ANO10: variants seen among roughly 807,000 people sequenced by gnomAD.
ANO10 encodes the protein anoctamin-10.
ANO10 carries 77 observed loss-of-function variants against 74.7 expected under a neutral mutation model. The observed-to-expected ratio is 1.03, with a 90% CI of 0.86 to 1.25. ANO10 has a LOEUF of 1.25. Ranked by LOEUF, ANO10 falls within the 50% of genes most tolerant of loss-of-function variation. The probability of loss-of-function intolerance (pLI) is 0.00; values close to 1 mark genes in which losing one functional copy is unlikely to be tolerated. For synonymous variants in ANO10, 279 were observed against 284.9 expected (o/e 0.98, Z 0.21); for missense variants, 721 against 778.1 (o/e 0.93, Z 0.87).
chr3:43,561,278 T>C lies in ANO10; in HGVS notation c.1418A>G (p.Asp473Gly). The change falls in exon 9 of 13, where the codon GAC (aspartate) becomes GGC (glycine). Residue 473 changes from aspartate (D) to glycine (G), a missense_variant. Asp to Gly is a moderately conservative substitution (Grantham distance 94). Transcript: ENST00000292246. ...VKRKVQALKA[D>G]IDATLYEQVI... ...TTGTTCATATAATGTAGCATCAATGTCTGCCTTTAAAGCCTGCACCTTCCT... is the reference window on the plus strand; with the variant it reads ...TTGTTCATATAATGTAGCATCAATGCCTGCCTTTAAAGCCTGCACCTTCCT... 6.2e-7 allele frequency: 1 copy of C among 1,614,216 alleles called. No individual in the cohort carries two copies. The highest frequency in any genetic ancestry group is 8.5e-7 in the Non-Finnish European group (1 of 1,180,038).
chr3:43,546,415 A>G (rs2079192506), intron 11 of ANO10, among the ~76,000 whole-genome samples: 1 of 152,192 alleles, frequency 6.6e-6, no homozygotes, highest in Non-Finnish European at 1.5e-5. Flanking sequence ...ACACTGACCA[A>G]TGGAATAAAG....
intron 1 of ANO10, among the ~76,000 whole-genome samples, chr3:43,633,928 C>A (rs2083577445): frequency 7.0e-6 from 1 of 142,260 alleles, no homozygotes; most frequent in Non-Finnish European, 1.5e-5. Context: ...TAACCCTGGT[C>A]TTTTCAAGGG....
intron 11 of ANO10, among the ~76,000 whole-genome samples, chr3:43,470,311 T>C (rs1360229922): frequency 1.3e-5 from 2 of 152,150 alleles, no homozygotes; most frequent in Non-Finnish European, 2.9e-5. Context: ...GAGGAACCTG[T>C]TTGGGCTATG....
At chr3:43,551,380 T>A (rs2079449543) in intron 10 of ANO10, 1 of 356,552 alleles carries the variant, frequency 2.8e-6, no homozygotes, top group Non-Finnish European at 5.5e-6. Context: ...CAGGTTTTTT[T>A]TAAAATCACC....
intron 1 of ANO10, among the ~76,000 whole-genome samples, chr3:43,614,784 T>TATATATATATATATATATATA: frequency 7.8e-6 from 1 of 128,656 alleles, no homozygotes; most frequent in African/African-American, 2.8e-5. Context: ...TATATATATA[T>TATATATATATATATATATATA]ATATATATAT....
In ANO10 at chr3:43,483,045, G is replaced by A. The variant is rs1575220365; in HGVS notation, c.1798-50318C>T. On this transcript the variant is annotated intron_variant, in intron 11 of 12. Transcript: ENST00000292246. ...TTGTCTCTTAAAAGATTCAATTTTT[G>A]GTCATGTTTAAGAATTAATGATATC... Among the ~76,000 whole-genome samples the A allele has an allele frequency of 4.6e-5, 7 of 152,282 alleles. No individual in the cohort carries two copies. The South Asian group carries it at 1.0e-3, about 23-fold the overall frequency.
At chr3:43,589,975 T>C (rs560577610) in intron 4 of ANO10, among the ~76,000 whole-genome samples, 10 of 152,180 alleles carry the variant, frequency 6.6e-5, no homozygotes, top group Non-Finnish European at 1.0e-4. Context: ...TAAGGTTATA[T>C]AATAGGGAGG....
At chr3:43,406,874 T>C (rs576281290) in intron 12 of ANO10, among the ~76,000 whole-genome samples, 1 of 151,992 alleles carries the variant, frequency 6.6e-6, no homozygotes, top group African/African-American at 2.4e-5. Flanking sequence ...TTATTCCACC[T>C]GCAGTGTGCA....
At chr3:43,367,417 G>A (rs2091451377) in intron 12 of ANO10, among the ~76,000 whole-genome samples, 1 of 152,146 alleles carries the variant, frequency 6.6e-6, no homozygotes, top group African/African-American at 2.4e-5. Context: ...ATTTTGCAGG[G>A]TGGCTGCAAG....
chr3:43,552,439 A>G (rs1021903166), intron 10 of ANO10, among the ~76,000 whole-genome samples: 3 of 152,026 alleles, frequency 2.0e-5, no homozygotes, highest in African/African-American at 4.8e-5. Flanking sequence ...GGACAGTATT[A>G]TAAGTTTTGC....
chr3:43,682,779 C>A (rs189195335), intron 1 of ANO10, among the ~76,000 whole-genome samples: 1 of 152,120 alleles, frequency 6.6e-6, no homozygotes, highest in Non-Finnish European at 1.5e-5. Flanking sequence ...GTTCAACATA[C>A]GCAAATCAAT....
chr3:43,574,397 AG>A (rs1164329280), intron 7 of ANO10, among the ~76,000 whole-genome samples: 6 of 151,710 alleles, frequency 4.0e-5, no homozygotes, highest in African/African-American at 1.5e-4. Flanking sequence ...CAGCTTCCCA[AG>A]TAGCTGGGAT....
intron 12 of ANO10, among the ~76,000 whole-genome samples, chr3:43,395,525 C>T (rs1015553849): frequency 1.3e-5 from 2 of 152,114 alleles, no homozygotes; most frequent in Non-Finnish European, 2.9e-5. Context: ...TGTTCCAGAA[C>T]CGTTTATTGA....
At chr3:43,571,952 A>G (rs1245749900) in intron 7 of ANO10, among the ~76,000 whole-genome samples, 1 of 152,072 alleles carries the variant, frequency 6.6e-6, no homozygotes, top group African/African-American at 2.4e-5. Flanking sequence ...TCCTTATTAA[A>G]TAAACAAACT....
chr3:43,652,209 C>A (rs568356886), intron 1 of ANO10, among the ~76,000 whole-genome samples: 1 of 150,352 alleles, frequency 6.7e-6, no homozygotes, highest in East Asian at 2.0e-4. Context: ...AAAAGAAGAA[C>A]AAAGGTAGGG....
chr3:43,612,790 G>A (rs1394633999), intron 1 of ANO10, among the ~76,000 whole-genome samples: 1 of 152,210 alleles, frequency 6.6e-6, no homozygotes, highest in Non-Finnish European at 1.5e-5. Context: ...TATCTGGCTT[G>A]AACCATTCAA....
At chr3:43,628,165 G>A (rs985061977) in intron 1 of ANO10, among the ~76,000 whole-genome samples, 2 of 152,178 alleles carry the variant, frequency 1.3e-5, no homozygotes, top group African/African-American at 4.8e-5. Context: ...CAGCAAGGAG[G>A]TGTTGCGGGA....
At chr3:43,500,038 G>T (rs1021370341) in intron 11 of ANO10, among the ~76,000 whole-genome samples, 1 of 151,898 alleles carries the variant, frequency 6.6e-6, no homozygotes, top group Non-Finnish European at 1.5e-5. Context: ...GTAGAGACAG[G>T]GTTTCGTCAT....
At chr3:43,392,260 A>C (rs1325444671) in intron 12 of ANO10, among the ~76,000 whole-genome samples, 2 of 108,754 alleles carry the variant, frequency 1.8e-5, no homozygotes, top group Non-Finnish European at 4.3e-5. Context: ...ATTTACCCAC[A>C]CTTTTATTCC....
Sources: gnomAD v4.1 joint callset for allele counts (sites outside exome capture counted in the v4.1 genomes callset) on GRCh38, gnomAD v4.1.1 for gene constraint, MANE v1.5 for transcripts, NCBI Gene and HGNC (gene_info 2026-07-23, HGNC 2026-07-21) for gene names.